The following TARS2 variants were observed in gnomAD, a reference collection of about 807,000 sequenced individuals.
TARS2 encodes threonine--tRNA ligase, mitochondrial.
TARS2 carries 61 observed loss-of-function variants against 94.4 expected under a neutral mutation model. The observed-to-expected ratio is 0.65, with a 90% CI of 0.53 to 0.80. The LOEUF is 0.80. Among genes scored for constraint, TARS2 ranks in the 30% least tolerant of loss-of-function variants. The pLI is 0.00. For missense variants in TARS2, 704 were observed against 902.5 expected, an observed-to-expected ratio of 0.78 and a Z score of 2.82; for synonymous variants, 359 against 353.4, an observed-to-expected ratio of 1.02 and a Z score of -0.18.
Position 150,487,942 on chromosome 1 carries a change from G to C in TARS2, c.151G>C (p.Ala51Pro), listed in dbSNP as rs1438889200. 2 of 1,613,916 alleles carry C rather than the reference G, an allele frequency of 1.2e-6. No individual in the cohort carries two copies. Among genetic ancestry groups the C allele is most frequent in the African/African-American group, 2.7e-5 (2 of 74,880 alleles). ...GTGGGCTGCTCAGGTAAAGAGATTA[G>C]CAAGCATGGCACAGAAGGAACCCCG... is the stretch of plus-strand genomic sequence containing the variant. Reference protein sequence around the residue: ...ELWAAQVKRLASMAQKEPRTI... With the variant: ...ELWAAQVKRLPSMAQKEPRTI... Residue 51 changes from alanine to proline, a missense_variant, in exon 2 of 18, where the codon GCA becomes CCA. Coordinates refer to ENST00000369064, the MANE Select transcript of TARS2 (RefSeq NM_025150.5).
chr1:150,491,221 G>T, intron 4 of TARS2, among the ~76,000 whole-genome samples, 173 bp from the exon 5 acceptor site: 1 of 152,132 alleles, frequency 6.6e-6, no homozygotes, highest in East Asian at 1.9e-4. Context: ...TTCTCCAGCT[G>T]TAATATCTGT....
intron 2 of TARS2, chr1:150,488,295 G>T (rs1033677936): frequency 6.1e-5 from 26 of 427,278 alleles, no homozygotes; most frequent in African/African-American, 4.9e-4. Flanking sequence ...TCAGCCTCCC[G>T]AAGTGCTGGG....
intron 7 of TARS2, among the ~76,000 whole-genome samples, chr1:150,493,613 C>T (rs945990279): frequency 5.9e-5 from 9 of 151,832 alleles, no homozygotes; most frequent in South Asian, 2.1e-4. Flanking sequence ...ATTAACTGGG[C>T]GTGGTGGCAC....
rs1282583148 is a variant in TARS2, at chr1:150,497,858, G to A, written c.1238+111G>A. On this transcript the variant is annotated intron_variant, in intron 10 of 17. Coordinates refer to ENST00000369064, the MANE Select transcript of TARS2 (RefSeq NM_025150.5). Reference sequence around the variant, plus strand: ...TGTAATCCCAACACTTTGGGAGGCCGAGGCGGGCGGATCACCTGAGGTCGG... The same window carrying A: ...TGTAATCCCAACACTTTGGGAGGCCAAGGCGGGCGGATCACCTGAGGTCGG... The A allele has an allele frequency of 4.6e-5, 50 of 1,084,074 alleles. No homozygotes were observed. The East Asian group carries it at 8.0e-4, about 17-fold the overall frequency. The allele number at this position is 1,084,074 out of a possible 1,614,324, so 67.2% of individuals were successfully genotyped here.
intron 6 of TARS2, chr1:150,492,019 T>G (rs984700587): frequency 7.9e-6 from 2 of 251,838 alleles, no homozygotes; most frequent in Admixed American, 1.1e-4. Flanking sequence ...CAGGCTGGAA[T>G]GCAGTGGCGC....
At chr1:150,503,669 ATGTGTGTATATATG>A (rs1429505481) in intron 13 of TARS2, among the ~76,000 whole-genome samples, 3 of 149,732 alleles carry the variant, frequency 2.0e-5, no homozygotes, top group East Asian at 2.0e-4. Flanking sequence ...GTGTGTATAT[ATGTGTGTATATATG>A]TGTATATATA....
chr1:150,490,581 C>G lies in TARS2; in HGVS notation c.388-20C>G. ...AGGGAGAAGTTTATGAACTTGTGAA[C>G]CCCTTTTTTGTGAACCCAGGTGTTC... On this transcript the variant is annotated intron_variant, in intron 3 of 17. Transcript: ENST00000369064. 6.2e-7 allele frequency: 1 copy of G among 1,608,578 alleles called. No individual in the cohort carries two copies. Among genetic ancestry groups the G allele is most frequent in the Non-Finnish European group, 8.5e-7 (1 of 1,178,364 alleles).
intron 15 of TARS2, 43 bp from the exon 16 acceptor site, chr1:150,504,863 G>T: frequency 6.2e-7 from 1 of 1,613,096 alleles, no homozygotes; most frequent in South Asian, 1.1e-5. Context: ...TCTGGCCAGA[G>T]CCAGAGTGAC....
chr1:150,488,310 C>T lies in TARS2; in HGVS notation c.263+256C>T, dbSNP rs994194771. 6 of 380,196 alleles carry T rather than the reference C, an allele frequency of 1.6e-5. No individual in the cohort carries two copies. The Admixed American group carries it at 2.4e-4, about 15-fold the overall frequency. The allele number at this position is 380,196 out of a possible 1,614,324, so 23.6% of individuals were successfully genotyped here. On this transcript the variant is annotated intron_variant, in intron 2 of 17. Coordinates refer to ENST00000369064, the MANE Select transcript of TARS2 (RefSeq NM_025150.5). ...TCAGCCTCCCGAAGTGCTGGGATTA[C>T]AGGCATGAGCCACCAAACCCGGCCT...
chr1:150,501,392 A>G (rs1341069639), intron 13 of TARS2, among the ~76,000 whole-genome samples: 3 of 128,534 alleles, frequency 2.3e-5, no homozygotes, highest in Non-Finnish European at 4.6e-5. Flanking sequence ...ATCTCGGCTC[A>G]CTGCAAGCTC....
intron 17 of TARS2, among the ~76,000 whole-genome samples, chr1:150,506,147 T>C (rs3754214): frequency 0.58 from 88,392 of 151,780 alleles, 26,192 homozygotes; most frequent in Non-Finnish European, 0.62. Context: ...ATCTCAAAGG[T>C]GAGGAGCAGA....
At chr1:150,506,004 A>T (rs1047631736) in intron 17 of TARS2, among the ~76,000 whole-genome samples, 6 of 152,196 alleles carry the variant, frequency 3.9e-5, no homozygotes, top group Non-Finnish European at 8.8e-5. Context: ...CGGGAGGGTT[A>T]ATACAGCGTT....
chr1:150,503,545 ATGTG>A (rs368609900), intron 13 of TARS2, among the ~76,000 whole-genome samples: 984 of 95,576 alleles, frequency 0.01, 15 homozygotes, highest in African/African-American at 0.027. Context: ...AAATACACAT[ATGTG>A]TGTGTGTGTG....
chr1:150,506,486 G>A (rs12063699), intron 17 of TARS2, among the ~76,000 whole-genome samples: 47,725 of 123,412 alleles, frequency 0.39, 9,880 homozygotes, highest in Non-Finnish European at 0.43. Context: ...ACACGCGCGC[G>A]CACACACACA....
At chr1:150,502,176 G>T (rs1261165291) in intron 13 of TARS2, among the ~76,000 whole-genome samples, 1 of 151,976 alleles carries the variant, frequency 6.6e-6, no homozygotes, top group Non-Finnish European at 1.5e-5. Context: ...GCTTCCCAAA[G>T]TGGTGGGATT....
At chr1:150,487,834 C>T (rs1669216139) in intron 1 of TARS2, 24 bp from the exon 2 acceptor site, 1 of 1,605,486 alleles carries the variant, frequency 6.2e-7, no homozygotes, top group Non-Finnish European at 8.5e-7. Context: ...CGTGTGTTAC[C>T]TGCTAATATA....
chr1:150,497,518 C>T lies in TARS2; in HGVS notation c.1021-12C>T. 1 of 1,612,896 alleles carries T rather than the reference C, an allele frequency of 6.2e-7. No individual in the cohort carries two copies. Among genetic ancestry groups the T allele is most frequent in the Non-Finnish European group, 8.5e-7 (1 of 1,179,430 alleles). ...TTACTCTGACCTTCCATGTCTGTAC[C>T]CTCCTCTCCAGGCTGAGTATGCCCA... On this transcript the variant is annotated splice_polypyrimidine_tract_variant and intron_variant, in intron 9 of 17. Transcript: ENST00000369064.
chr1:150,503,677 A>G (rs587660875), intron 13 of TARS2, among the ~76,000 whole-genome samples: 23 of 149,088 alleles, frequency 1.5e-4, no homozygotes, highest in African/African-American at 2.7e-4. Flanking sequence ...ATATGTGTGT[A>G]TATATGTGTA....
chr1:150,493,838 G>T (rs766859752), intron 7 of TARS2, among the ~76,000 whole-genome samples: 2 of 151,554 alleles, frequency 1.3e-5, no homozygotes, highest in African/African-American at 2.4e-5. Context: ...GGAGCAAGGG[G>T]AAATGCAGAT....
Sources: allele counts gnomAD v4.1 joint callset (sites outside exome capture counted in the v4.1 genomes callset), GRCh38; gene constraint gnomAD v4.1.1; transcripts MANE v1.5; gene names NCBI Gene and HGNC (gene_info 2026-07-23, HGNC 2026-07-21).